Variants in MAF observed in about 807,000 individuals in gnomAD.
MAF encodes MAF bZIP transcription factor, also known as transcription factor Maf.
A neutral mutation model predicts 22.0 loss-of-function variants in MAF; 10 were observed. That is an observed-to-expected ratio of 0.45 (90% CI 0.28 to 0.77). The LOEUF (loss-of-function observed/expected upper bound fraction) is 0.77. Among genes scored for constraint, MAF ranks in the 30% least tolerant of loss-of-function variants. The probability of loss-of-function intolerance (pLI) is 0.12; values close to 1 mark genes in which losing one functional copy is unlikely to be tolerated. For synonymous variants in MAF, 337 were observed against 255.8 expected, an observed-to-expected ratio of 1.32 and a Z score of -3.03; for missense variants, 544 against 548.4, an observed-to-expected ratio of 0.99 and a Z score of 0.08.
At chr16:79,584,288 T>C (rs1474077078), downstream of MAF, among the ~76,000 whole-genome samples, 1 of 152,182 alleles carries the variant, frequency 6.6e-6, no homozygotes, top group Non-Finnish European at 1.5e-5. Context: ...TTAACCAAAG[T>C]GACATTCTGA....
the MAF span, among the ~76,000 whole-genome samples, chr16:79,426,065 G>C: frequency 7.2e-5 from 11 of 152,166 alleles, no homozygotes; most frequent in African/African-American, 2.7e-4. Context: ...AATTAGCTGG[G>C]CATGGTGGCA....
At chr16:79,292,219 T>C in the MAF span, among the ~76,000 whole-genome samples, 1 of 152,134 alleles carries the variant, frequency 6.6e-6, no homozygotes. Context: ...TCTTTGCTGA[T>C]GTGATCAAGT....
At chr16:79,539,710 T>C in the MAF span, among the ~76,000 whole-genome samples, 1 of 152,214 alleles carries the variant, frequency 6.6e-6, no homozygotes, top group Non-Finnish European at 1.5e-5. Flanking sequence ...GTTTCATTCA[T>C]AAAGTATAAT....
chr16:79,268,232 C>G, the MAF span, among the ~76,000 whole-genome samples: 1 of 152,148 alleles, frequency 6.6e-6, no homozygotes, highest in African/African-American at 2.4e-5. Context: ...CCCACAAACA[C>G]CGGAATTGTG....
chr16:79,328,777 G>C, the MAF span, among the ~76,000 whole-genome samples: 1 of 152,162 alleles, frequency 6.6e-6, no homozygotes, highest in Non-Finnish European at 1.5e-5. Flanking sequence ...GGAACCCTTT[G>C]AAGAACTGGT....
At chr16:79,322,709 C>T in the MAF span, among the ~76,000 whole-genome samples, 3 of 151,536 alleles carry the variant, frequency 2.0e-5, no homozygotes, top group Non-Finnish European at 4.4e-5. Flanking sequence ...TTCATCTAGC[C>T]GGGGTCAAGG....
the MAF span, among the ~76,000 whole-genome samples, chr16:79,493,869 TA>T: frequency 2.0e-4 from 30 of 151,886 alleles, no homozygotes; most frequent in African/African-American, 7.2e-4. Flanking sequence ...ACCTGCCCCT[TA>T]GTCTCTATTC....
the MAF span, among the ~76,000 whole-genome samples, chr16:79,407,057 T>C: frequency 6.6e-6 from 1 of 152,314 alleles, no homozygotes; most frequent in Admixed American, 6.5e-5. Context: ...CTCAGCCCAC[T>C]TCCAGCATGT....
At chr16:79,396,430 A>G in the MAF span, among the ~76,000 whole-genome samples, 2 of 152,246 alleles carry the variant, frequency 1.3e-5, no homozygotes, top group African/African-American at 4.8e-5. Context: ...CAAGATAAGA[A>G]AAAGCTCGAT....
At chr16:79,515,438 C>G in the MAF span, among the ~76,000 whole-genome samples, 1 of 152,132 alleles carries the variant, frequency 6.6e-6, no homozygotes. Context: ...AATGAATTTC[C>G]TAAGTTATTC....
chr16:79,389,712 C>T, the MAF span, among the ~76,000 whole-genome samples: 9 of 152,020 alleles, frequency 5.9e-5, no homozygotes, highest in Non-Finnish European at 1.2e-4. Flanking sequence ...CATGGTGGCT[C>T]ACGCCTGTAA....
chr16:79,373,705 G>C, the MAF span, among the ~76,000 whole-genome samples: 1 of 152,018 alleles, frequency 6.6e-6, no homozygotes, highest in African/African-American at 2.4e-5. Context: ...GAGGAAGAGA[G>C]ACTTGAACTA....
chr16:79,373,352 C>G, the MAF span, among the ~76,000 whole-genome samples: 58 of 100,638 alleles, frequency 5.8e-4, 1 homozygote, highest in Middle Eastern at 0.018. Context: ...GGGAGTGGGA[C>G]TGGTAGCTTT....
chr16:79,326,511 A>C, the MAF span, among the ~76,000 whole-genome samples: 1 of 152,222 alleles, frequency 6.6e-6, no homozygotes, highest in Non-Finnish European at 1.5e-5. Context: ...ACTTCAACAG[A>C]CGTGAGCACG....
the MAF span, among the ~76,000 whole-genome samples, chr16:79,420,888 T>A: frequency 5.3e-5 from 8 of 151,892 alleles, no homozygotes; most frequent in African/African-American, 1.9e-4. Flanking sequence ...ACAAAAATTA[T>A]CCAGGCATGG....
At chr16:79,207,027 T>A in the MAF span, among the ~76,000 whole-genome samples, 1 of 152,178 alleles carries the variant, frequency 6.6e-6, no homozygotes, top group Admixed American at 6.5e-5. Context: ...TATCTGGAGA[T>A]GACCTCTGCA....
At chr16:79,491,700 A>C in the MAF span, among the ~76,000 whole-genome samples, 1 of 152,214 alleles carries the variant, frequency 6.6e-6, no homozygotes, top group East Asian at 1.9e-4. Context: ...ACGCCAACTG[A>C]TGAACAATTT....
At chr16:79,383,984 G>T in the MAF span, among the ~76,000 whole-genome samples, 1 of 152,166 alleles carries the variant, frequency 6.6e-6, no homozygotes, top group South Asian at 2.1e-4. Flanking sequence ...AAGGGCGTGG[G>T]TTGGCCCAGA....
the MAF span, among the ~76,000 whole-genome samples, chr16:79,217,979 G>A: frequency 1.2e-5 from 1 of 86,888 alleles, no homozygotes; most frequent in Non-Finnish European, 2.0e-5. Flanking sequence ...ATTTTTAGAA[G>A]CTTATGTAAA....
Sources: gnomAD v4.1 joint callset for allele counts (sites outside exome capture counted in the v4.1 genomes callset) on GRCh38, gnomAD v4.1.1 for gene constraint, MANE v1.5 for transcripts, NCBI Gene and HGNC (gene_info 2026-07-23, HGNC 2026-07-21) for gene names.